ECH1: variants seen among roughly 807,000 people sequenced by gnomAD.
The protein encoded by ECH1 is enoyl-CoA hydratase 1, also known as delta(3,5)-Delta(2,4)-dienoyl-CoA isomerase, mitochondrial.
A neutral mutation model predicts 37.0 loss-of-function variants in ECH1; 30 were observed. The ratio of observed to expected loss-of-function variants is 0.81; its 90% CI spans 0.61 to 1.10. The LOEUF (loss-of-function observed/expected upper bound fraction) is 1.10, where lower values mean the gene tolerates loss of function less well. Among genes scored for constraint, ECH1 ranks in the 50% least tolerant of loss-of-function variants. ECH1 has a pLI of 0.00. For synonymous variants in ECH1, 178 were observed against 176.0 expected (o/e 1.01, Z -0.09); for missense variants, 456 against 441.6 (o/e 1.03, Z -0.29).
At chr19:38,826,451 G>A (rs946437042) in intron 3 of ECH1, among the ~76,000 whole-genome samples, 1 of 152,200 alleles carries the variant, frequency 6.6e-6, no homozygotes, top group Non-Finnish European at 1.5e-5. Context: ...GGCTTAGTAA[G>A]GAAATGCAGC....
chr19:38,818,643 A>G (rs1971613407), intron 3 of ECH1, among the ~76,000 whole-genome samples: 1 of 151,822 alleles, frequency 6.6e-6, no homozygotes, highest in Admixed American at 6.6e-5. Context: ...GCCCACCACC[A>G]TGCCCGGCTA....
chr19:38,818,932 T>TGCGCGCACGCGCAC (rs1555721678), intron 3 of ECH1, among the ~76,000 whole-genome samples: 3 of 142,752 alleles, frequency 2.1e-5, no homozygotes, highest in Admixed American at 6.9e-5. Context: ...TGTGTGTGTG[T>TGCGCGCACGCGCAC]GCACTGTTCC....
rs369233522 is a variant in ECH1 at position 38,816,591 on chromosome 19, A to C, written c.589-68T>G. On this transcript the variant is annotated intron_variant, in intron 6 of 9. Coordinates refer to ENST00000221418, the MANE Select transcript of ECH1 (RefSeq NM_001398.3). ...TGTGCCCCTCGCAATGTCAACGTCC[A>C]TGAAATTTCATGTCTACTGGAGAGT... The C allele has an allele frequency of 2.3e-5, 35 of 1,555,476 alleles. No individual in the cohort carries two copies. The African/African-American group carries it at 4.2e-4, about 19-fold the overall frequency.
intron 3 of ECH1, among the ~76,000 whole-genome samples, chr19:38,828,787 C>CT (rs1257278342): frequency 4.0e-5 from 6 of 149,762 alleles, no homozygotes; most frequent in Non-Finnish European, 7.4e-5. Flanking sequence ...GGCTAATATT[C>CT]TTTTTTTTTA....
intron 3 of ECH1, among the ~76,000 whole-genome samples, chr19:38,821,602 C>T (rs1168065713): frequency 5.3e-5 from 8 of 152,224 alleles, no homozygotes; most frequent in East Asian, 3.9e-4. Flanking sequence ...GGTGGGCCGG[C>T]GCCACCTGCC....
rs1334086453 is a variant in ECH1 at position 38,831,402 on chromosome 19, T to C, written c.167A>G (p.Glu56Gly). 6.2e-7 allele frequency: 1 copy of C among 1,613,928 alleles called. No individual in the cohort carries two copies. Among genetic ancestry groups the C allele is most frequent in the Non-Finnish European group, 8.5e-7 (1 of 1,180,040 alleles). The change falls in exon 2 of 10, where the codon GAG becomes GGG. Residue 56 changes from glutamate to glycine, a missense_variant. By Grantham distance (98) the Glu-to-Gly change is moderately conservative. Transcript: ENST00000221418. ...ALGEAPDHSY[E>G]SLRVTSAQKH... ...CTGCGCAGACGTCACACGAAGGGACTCATAGCTGTGGTCTGGGGCTTCACC... is the reference window on the plus strand; with the variant it reads ...CTGCGCAGACGTCACACGAAGGGACCCATAGCTGTGGTCTGGGGCTTCACC...
rs767612609 is a variant in ECH1, at chr19:38,831,373, G to A, written c.196C>T (p.His66Tyr). The A allele has an allele frequency of 1.2e-6, 2 of 1,613,928 alleles. No homozygotes were observed. Among genetic ancestry groups the A allele is most frequent in the African/African-American group, 2.7e-5 (2 of 74,890 alleles). The change falls in exon 2 of 10, where the codon CAT (histidine) becomes TAT (tyrosine). Residue 66 changes from histidine to tyrosine, a missense_variant. His to Tyr is a moderately conservative substitution (Grantham distance 83). Transcript: ENST00000221418. ...CGGTTGAGCTGGACATGCAGAACAT[G>A]TTTCTGCGCAGACGTCACACGAAGG... ...ESLRVTSAQK[H>Y]VLHVQLNRPN... is the part of the protein sequence containing the mutation.
chr19:38,826,168 C>T (rs1971736114), intron 3 of ECH1, among the ~76,000 whole-genome samples: 1 of 152,192 alleles, frequency 6.6e-6, no homozygotes, highest in African/African-American at 2.4e-5. Flanking sequence ...GAAAGTTCCA[C>T]ACCCTTATTA....
rs1971816683 is a variant in ECH1, at chr19:38,831,237, C to T, written c.261-71G>A. ...TGCCCTCATGTCCATCTTCCCACAA[C>T]GTTCCACTTTCACCCAGTCCCGCAG... On this transcript the variant is annotated intron_variant, in intron 2 of 9. Coordinates refer to ENST00000221418, the MANE Select transcript of ECH1 (RefSeq NM_001398.3). The T allele has an allele frequency of 4.3e-6, 7 of 1,611,036 alleles. No individual in the cohort carries two copies. The African/African-American group carries it at 5.3e-5, about 12-fold the overall frequency.
intron 3 of ECH1, chr19:38,823,335 A>C (rs1185387970): frequency 6.4e-6 from 1 of 155,370 alleles, no homozygotes; most frequent in Non-Finnish European, 1.4e-5. Context: ...ACTATTACCT[A>C]TCGCCAAGCG....
chr19:38,824,418 C>A (rs933677221), intron 3 of ECH1, among the ~76,000 whole-genome samples: 1 of 152,146 alleles, frequency 6.6e-6, no homozygotes. Flanking sequence ...AAACCAAAAC[C>A]GCGGGTGGTT....
chr19:38,824,347 T>C (rs1285857060), intron 3 of ECH1, among the ~76,000 whole-genome samples: 1 of 152,152 alleles, frequency 6.6e-6, no homozygotes, highest in Non-Finnish European at 1.5e-5. Flanking sequence ...TGAGCACAAC[T>C]ATTCCGATCA....
Position 38,831,474 on chromosome 19 carries a change from C to A in ECH1, c.95G>T (p.Arg32Leu). The A allele has an allele frequency of 6.2e-7, 1 of 1,614,106 alleles. No homozygotes were observed. The highest frequency in any genetic ancestry group is 8.5e-7 in the Non-Finnish European group (1 of 1,180,020). Residue 32 changes from arginine to leucine, a missense_variant, in exon 2 of 10, where the codon CGC (arginine) becomes CTC (leucine). Transcript: ENST00000221418. Reference protein sequence around the residue: ...SNYPGLSISLRLTGSSAQEEA... With the variant: ...SNYPGLSISLLLTGSSAQEEA... The stretch of plus-strand genomic sequence containing the variant: ...CTCTTGTGCAGAGGAGCCAGTGAGG[C>A]GAAGGCTAATACTGAGTCCCGGGTA...
chr19:38,827,563 C>T (rs1162397385), intron 3 of ECH1, among the ~76,000 whole-genome samples: 8 of 152,026 alleles, frequency 5.3e-5, no homozygotes, highest in East Asian at 1.9e-4. Flanking sequence ...CCAAAGCTGC[C>T]GGGAAGTGAG....
chr19:38,816,306 C>A lies in ECH1; in HGVS notation c.709G>T (p.Ala237Ser), dbSNP rs1239634881. ...TACCTGACCAGCCCACTGCCCAGGG[C>A]CTCGTCAGCCATCATCTTGCGGGCG... is the stretch of plus-strand genomic sequence containing the variant. ...FTARKMMADE[A>S]LGSGLVSRVF... Residue 237 changes from alanine (A) to serine (S), a missense_variant, in exon 8 of 10, where the codon GCC (alanine) becomes TCC (serine). Coordinates refer to ENST00000221418, the MANE Select transcript of ECH1 (RefSeq NM_001398.3). 6.2e-7 allele frequency: 1 copy of A among 1,613,584 alleles called. No individual in the cohort carries two copies. Among genetic ancestry groups the A allele is most frequent in the Admixed American group, 1.7e-5 (1 of 60,006 alleles).
rs754494335 is a variant in ECH1, at chr19:38,831,777, G to A, written c.-5C>T. ...AGCCACTATCCCCGCCGCCATCGCCGCCGCCTTCGTCTACTGCGTTCGGAC... is the reference window on the plus strand; with the variant it reads ...AGCCACTATCCCCGCCGCCATCGCCACCGCCTTCGTCTACTGCGTTCGGAC... On this transcript the variant is annotated 5_prime_UTR_variant, in exon 1 of 10. Coordinates refer to ENST00000221418, the MANE Select transcript of ECH1 (RefSeq NM_001398.3). 1.2e-6 allele frequency: 2 copies of A among 1,613,062 alleles called. No individual in the cohort carries two copies. The highest frequency in any genetic ancestry group is 8.5e-7 in the Non-Finnish European group (1 of 1,179,738).
At chr19:38,819,204 T>C in intron 3 of ECH1, 36 of 985,276 alleles carry the variant, frequency 3.7e-5, no homozygotes, top group Non-Finnish European at 4.2e-5. Context: ...TGTGCAGTGG[T>C]ACAGAATCTT....
intron 5 of ECH1, 26 bp downstream of exon 5, chr19:38,817,290 G>A (rs562096870): frequency 1.4e-5 from 22 of 1,535,966 alleles, no homozygotes; most frequent in Admixed American, 6.0e-5. Context: ...GGGAGCACCC[G>A]AGCAGGAGGA....
chr19:38,828,667 G>A (rs1002560226), intron 3 of ECH1, among the ~76,000 whole-genome samples: 4 of 152,004 alleles, frequency 2.6e-5, no homozygotes, highest in African/African-American at 9.7e-5. Flanking sequence ...CCAGGCTGGA[G>A]TGCAGTGGCG....
Sources: allele counts gnomAD v4.1 joint callset (sites outside exome capture counted in the v4.1 genomes callset), GRCh38; gene constraint gnomAD v4.1.1; transcripts MANE v1.5; gene names NCBI Gene and HGNC (gene_info 2026-07-23, HGNC 2026-07-21).